The following LIMD2 variants were observed in gnomAD, a reference collection of about 807,000 sequenced individuals.
LIMD2 encodes the protein LIM domain containing 2, also known as LIM domain-containing protein 2.
A neutral mutation model predicts 16.0 loss-of-function variants in LIMD2; 11 were observed. That is an observed-to-expected ratio of 0.69 (90% CI 0.43 to 1.14). The LOEUF (loss-of-function observed/expected upper bound fraction) is 1.14, where lower values mean the gene tolerates loss of function less well. Among genes scored for constraint, LIMD2 ranks in the 50% most tolerant of loss-of-function variants. The pLI is 0.00. For synonymous variants in LIMD2, 60 were observed against 67.1 expected, an observed-to-expected ratio of 0.89 and a Z score of 0.52; for missense variants, 168 against 165.8, an observed-to-expected ratio of 1.01 and a Z score of -0.07.
Position 63,700,051 on chromosome 17 carries a change from G to T in LIMD2, c.-70C>A. On this transcript the variant is annotated 5_prime_UTR_variant, in exon 1 of 5. Transcript: ENST00000259006. The surrounding 1 kb of genome is among the most constrained non-coding windows in gnomAD (Gnocchi z 7.1). ...TCTCACCAGGCCCGGCCTGGGCCGC[G>T]GGGCGGGATCGGTCTCCGGGGGCGC... 1 of 984,014 alleles carries T rather than the reference G, an allele frequency of 1.0e-6. No homozygotes were observed. Among genetic ancestry groups the T allele is most frequent in the South Asian group, 4.6e-5 (1 of 21,636 alleles). 61.0% of individuals were successfully genotyped at this position (984,014 alleles called of 1,614,324 possible). A position where few individuals can be genotyped will look rare whatever the true frequency, so the allele number is the denominator to read the frequency against.
chr17:63,698,960 G>GTGCT, intron 3 of LIMD2, 22 bp from the exon 4 acceptor site: 1 of 1,612,494 alleles, frequency 6.2e-7, no homozygotes, highest in Non-Finnish European at 8.5e-7. Flanking sequence ...GCTCAGCCAG[G>GTGCT]TGCTGCCCCA....
At chr17:63,701,143 C>G (rs892851521), upstream of LIMD2, 2 of 152,334 alleles carry the variant, frequency 1.3e-5, no homozygotes, top group Non-Finnish European at 2.9e-5. Context: ...CCTTCCCGGG[C>G]ACCAGGGACT....
intron 1 of LIMD2, 84 bp downstream of exon 1, chr17:63,699,948 C>T (rs2035760436): frequency 2.0e-6 from 2 of 983,744 alleles, no homozygotes; most frequent in Non-Finnish European, 2.4e-6. Flanking sequence ...TCGCCGGGAC[C>T]CCACGGGCGG....
rs559469829 is a variant in LIMD2, at chr17:63,700,045, G to T, written c.-64C>A. ...CGCGGCTCTCACCAGGCCCGGCCTG[G>T]GCCGCGGGGCGGGATCGGTCTCCGG... On this transcript the variant is annotated 5_prime_UTR_variant, in exon 1 of 5. Transcript: ENST00000259006. This position sits in a 1 kb window ranked among gnomAD's most constrained non-coding sequence, Gnocchi z 7.1. 2.0e-6 allele frequency: 2 copies of T among 984,166 alleles called. No homozygotes were observed. The highest frequency in any genetic ancestry group is 2.4e-6 in the Non-Finnish European group (2 of 829,244). 61.0% of individuals were successfully genotyped at this position (984,166 alleles called of 1,614,324 possible). A position where few individuals can be genotyped will look rare whatever the true frequency, so the allele number is the denominator to read the frequency against.
intron 2 of LIMD2, 72 bp downstream of exon 2, chr17:63,699,183 ACT>A (rs1358263461): frequency 6.9e-6 from 11 of 1,594,182 alleles, no homozygotes; most frequent in East Asian, 4.5e-5. Context: ...GGGCCGGCAA[ACT>A]CTGATGCCTC....
Position 63,698,431 on chromosome 17 carries a change from G to A in LIMD2, c.*121C>T. The A allele has an allele frequency of 8.8e-7, 1 of 1,132,928 alleles. No individual in the cohort carries two copies. Among genetic ancestry groups the A allele is most frequent in the Non-Finnish European group, 1.2e-6 (1 of 810,938 alleles). The allele number at this position is 1,132,928 out of a possible 1,614,324, so 70.2% of individuals were successfully genotyped here. A position where few individuals can be genotyped will look rare whatever the true frequency, so the allele number is the denominator to read the frequency against. The stretch of plus-strand genomic sequence containing the variant: ...GCAGAGCCCTGCCCTGGTCCCCTAC[G>A]CCTGAGCAAGCCTCATCCCCTTCCC... On this transcript the variant is annotated 3_prime_UTR_variant, in exon 5 of 5. Transcript: ENST00000259006.
rs377689520 is a variant in LIMD2, at chr17:63,698,555, G to A, written c.381C>T (p.Ala127=). The change falls in exon 5 of 5, where the codon GCC becomes GCT. Residue 127 remains alanine, a synonymous_variant. Transcript: ENST00000259006. Reference sequence around the variant, plus strand: ...GGGGTGGAAGGTTACAGAGGCCTCAGGCCGTCTTGGTGCCGGGGTCCACCT... The same window carrying A: ...GGGGTGGAAGGTTACAGAGGCCTCAAGCCGTCTTGGTGCCGGGGTCCACCT... ...HKEVDPGTKT[A] 94 of 1,613,464 alleles carry A rather than the reference G, an allele frequency of 5.8e-5. No individual in the cohort carries two copies. The Middle Eastern group carries it at 6.6e-4, about 11-fold the overall frequency.
chr17:63,698,684 C>T lies in LIMD2; in HGVS notation c.252G>A (p.Gly84=), dbSNP rs1353110633. The change falls in exon 5 of 5, where the codon GGG becomes GGA. Residue 84 remains glycine (G), a synonymous_variant. Transcript: ENST00000259006. ...GGAAGTGGGGTTTGCAGTAGAACTC[C>T]CCGTGCAGCGCGGCGTAGCTGCCCA... ...LSLGSYAALH[G]EFYCKPHFQQ... is the part of the protein sequence containing the mutation. 1.9e-6 allele frequency: 3 copies of T among 1,613,558 alleles called. No individual in the cohort carries two copies. Among genetic ancestry groups the T allele is most frequent in the East Asian group, 4.5e-5 (2 of 44,878 alleles).
intron 4 of LIMD2, 34 bp downstream of exon 4, chr17:63,698,765 A>C: frequency 6.9e-7 from 1 of 1,458,750 alleles, no homozygotes; most frequent in Middle Eastern, 1.8e-4. Flanking sequence ...CTGGGTTGGC[A>C]GGCGAGGCGG....
chr17:63,699,438 G>A (rs1423236877), intron 1 of LIMD2, 90 bp from the exon 2 acceptor site: 11 of 1,296,046 alleles, frequency 8.5e-6, no homozygotes, highest in African/African-American at 1.5e-5. Context: ...TGGGGGGATT[G>A]CGGTTGGGAC....
intron 1 of LIMD2, 47 bp downstream of exon 1, chr17:63,699,985 C>A (rs1409966194): frequency 1.0e-6 from 1 of 983,888 alleles, no homozygotes; most frequent in African/African-American, 1.8e-5. Flanking sequence ...CTCGGCGCCT[C>A]TCCCGGTTCC....
rs926300597 is a variant in LIMD2 at position 63,698,347 on chromosome 17, A to AATC, written c.*202_*204dup. Reference sequence around the variant, plus strand: ...GGAAGCAGGGTGGTGGGCAGACCCCAATCCTGGTTTCCAAACCCTCACCGG... The same window carrying AATC: ...GGAAGCAGGGTGGTGGGCAGACCCCAATCATCCTGGTTTCCAAACCCTCACCGG... On this transcript the variant is annotated 3_prime_UTR_variant, in exon 5 of 5. Coordinates refer to ENST00000259006, the MANE Select transcript of LIMD2 (RefSeq NM_030576.4). The AATC allele has an allele frequency of 1.3e-4, 85 of 651,090 alleles. No individual in the cohort carries two copies. In the African/African-American group the frequency reaches 1.4e-3, roughly 11 times the overall value. The allele number at this position is 651,090 out of a possible 1,614,324, so 40.3% of individuals were successfully genotyped here.
At chr17:63,699,583 G>C in intron 1 of LIMD2, 1 of 398,626 alleles carries the variant, frequency 2.5e-6, no homozygotes, top group Non-Finnish European at 4.4e-6. Context: ...CGGGAGCGGA[G>C]GGGCCGGGGG....
upstream of LIMD2, chr17:63,700,913 CCA>C (rs1329008646): frequency 1.3e-5 from 2 of 152,198 alleles, no homozygotes; most frequent in Non-Finnish European, 2.9e-5. This position sits in a 1 kb window ranked among gnomAD's most constrained non-coding sequence, Gnocchi z 7.1. Context: ...CCCCGAGGCT[CCA>C]CGTACTCAAG....
chr17:63,698,993 C>A lies in LIMD2; in HGVS notation c.84+35G>T, dbSNP rs765235772. 4.3e-6 allele frequency: 7 copies of A among 1,610,130 alleles called. No individual in the cohort carries two copies. In the Middle Eastern group the frequency reaches 8.3e-4, roughly 190 times the overall value. On this transcript the variant is annotated intron_variant, in intron 3 of 4. Transcript: ENST00000259006. ...CCAGTGCTCATCCCGCTCCCTCACA[C>A]CCCTCCTCCCGCACACCCGGCCCCA...
chr17:63,698,251 ATAGGGGAGCTGGGC>A lies in LIMD2; in HGVS notation c.*287_*300del, dbSNP rs1416478100. On this transcript the variant is annotated 3_prime_UTR_variant, in exon 5 of 5. Transcript: ENST00000259006. Reference sequence around the variant, plus strand: ...TCCTTGCTGGAGAAAAGGCACCTAGATAGGGGAGCTGGGCTTGGGGGCCTCCCAGGGGGTCCTGG... The same window carrying A: ...TCCTTGCTGGAGAAAAGGCACCTAGATTGGGGGCCTCCCAGGGGGTCCTGG... 2.4e-6 allele frequency: 1 copy of A among 424,690 alleles called. No individual in the cohort carries two copies. Among genetic ancestry groups the A allele is most frequent in the African/African-American group, 2.0e-5 (1 of 49,508 alleles). The allele number at this position is 424,690 out of a possible 1,614,324, so 26.3% of individuals were successfully genotyped here. A position where few individuals can be genotyped will look rare whatever the true frequency, so the allele number is the denominator to read the frequency against.
At position 63,698,542 on chromosome 17, in the gene LIMD2, TAC is replaced by T. The variant is rs1568162322; in HGVS notation, c.*8_*9del. On this transcript the variant is annotated 3_prime_UTR_variant, in exon 5 of 5. Transcript: ENST00000259006. ...GCCTTCCGCAGAGGGGGTGGAAGGT[TAC>T]AGAGGCCTCAGGCCGTCTTGGTGCC... The T allele has an allele frequency of 1.1e-5, 17 of 1,612,940 alleles. No homozygotes were observed. Among genetic ancestry groups the T allele is most frequent in the Non-Finnish European group, 1.3e-5 (15 of 1,179,818 alleles).
In LIMD2 at chr17:63,697,320, C is replaced by T. The variant is rs1279000812; in HGVS notation, c.*1232G>A. On this transcript the variant is annotated 3_prime_UTR_variant, in exon 5 of 5. Coordinates refer to ENST00000259006, the MANE Select transcript of LIMD2 (RefSeq NM_030576.4). ...GGGGACAATCCAGGGGTCACTAAAA[C>T]CTTGGGCAGCACTTGCTGGGTCTGC... 6.6e-6 allele frequency: 1 copy of T among 152,328 alleles called. No individual in the cohort carries two copies. The highest frequency in any genetic ancestry group is 1.9e-4 in the East Asian group (1 of 5,206). The allele number at this position is 152,328 out of a possible 1,614,324, so 9.4% of individuals were successfully genotyped here.
At position 63,698,505 on chromosome 17, in the gene LIMD2, T is replaced by C. The variant is rs1465439125; in HGVS notation, c.*47A>G. ...CTCGACCTCCTTCCCACCTTCCCCC[T>C]GCCGGCTCCAGGCCTTCCGCAGAGG... On this transcript the variant is annotated 3_prime_UTR_variant, in exon 5 of 5. Transcript: ENST00000259006. 3 of 1,596,908 alleles carry C rather than the reference T, an allele frequency of 1.9e-6. No homozygotes were observed. The East Asian group carries it at 6.7e-5, about 36-fold the overall frequency.
Sources: gnomAD v4.1 joint callset for allele counts on GRCh38, gnomAD v4.1.1 for gene constraint, Gnocchi (gnomAD v3.1) non-coding constraint, MANE v1.5 for transcripts, NCBI Gene and HGNC (gene_info 2026-07-23, HGNC 2026-07-21) for gene names.